The following UNC13C variants were observed in gnomAD, a reference collection of about 807,000 sequenced individuals.
The protein encoded by UNC13C is protein unc-13 homolog C.
In UNC13C, 174 loss-of-function variants were observed where a neutral mutation model predicts 245.4. The observed-to-expected ratio is 0.71, with a 90% confidence interval of 0.63 to 0.80. The LOEUF (loss-of-function observed/expected upper bound fraction) is 0.80, where lower values mean the gene tolerates loss of function less well. UNC13C is among the 30% of genes least tolerant of loss of function. UNC13C has a pLI of 0.00. For missense variants in UNC13C, 2,829 were observed against 2,602.9 expected (o/e 1.09, Z -1.89); for synonymous variants, 992 against 895.1 (o/e 1.11, Z -1.93).
the UNC13C span, among the ~76,000 whole-genome samples, chr15:53,936,232 C>T: frequency 1.3e-5 from 2 of 151,888 alleles, no homozygotes; most frequent in Non-Finnish European, 2.9e-5. Context: ...CAGTCCAGAA[C>T]AGCAGTCTTC....
chr15:53,865,453 T>A, the UNC13C span, among the ~76,000 whole-genome samples: 1 of 152,208 alleles, frequency 6.6e-6, no homozygotes, highest in Non-Finnish European at 1.5e-5. Context: ...ACCTTTTTTG[T>A]GTGCATGAGC....
rs1408289447 is a variant in UNC13C, at chr15:54,455,194, T to C, written c.4934-39414T>C. On this transcript the variant is annotated intron_variant, in intron 19 of 32. Coordinates refer to ENST00000260323, the MANE Select transcript of UNC13C (RefSeq NM_001080534.3). ...CTCTCTCTCTCTCTCTCTCTCTCTC[T>C]CTCTCTCTCTCTATATATATATATA... Among the ~76,000 whole-genome samples, 18 of 54,428 alleles carry C rather than the reference T, an allele frequency of 3.3e-4. 1 individual carries two copies. The highest frequency in any genetic ancestry group is 1.1e-3 in the African/African-American group (17 of 15,782). The allele number at this position is 54,428 out of a possible 152,430, so 35.7% of individuals were successfully genotyped here. A position where few individuals can be genotyped will look rare whatever the true frequency, so the allele number is the denominator to read the frequency against.
chr15:54,551,795 T>C lies in UNC13C; in HGVS notation c.5877+2104T>C, dbSNP rs184149242. ...ATTTTTAAATTATCAGTCCATTTAGTTATTACTATTTGAATTACAGAGCAA... is the reference window on the plus strand; with the variant it reads ...ATTTTTAAATTATCAGTCCATTTAGCTATTACTATTTGAATTACAGAGCAA... On this transcript the variant is annotated intron_variant, in intron 28 of 32. Coordinates refer to ENST00000260323, the MANE Select transcript of UNC13C (RefSeq NM_001080534.3). Among the ~76,000 whole-genome samples, 14 of 152,122 alleles carry C rather than the reference T, an allele frequency of 9.2e-5. No individual in the cohort carries two copies. The East Asian group carries it at 2.5e-3, about 27-fold the overall frequency.
chr15:54,518,574 C>T (rs1175124975), intron 24 of UNC13C, among the ~76,000 whole-genome samples: 1 of 152,140 alleles, frequency 6.6e-6, no homozygotes, highest in Non-Finnish European at 1.5e-5. Flanking sequence ...TTTAACAAAC[C>T]ATAAACCAAT....
intron 4 of UNC13C, among the ~76,000 whole-genome samples, chr15:54,218,640 C>G (rs562586443): frequency 6.6e-6 from 1 of 151,826 alleles, no homozygotes; most frequent in Non-Finnish European, 1.5e-5. Flanking sequence ...TGTTCTATAT[C>G]CTGTAAGCAA....
chr15:53,851,530 CTT>C, the UNC13C span, among the ~76,000 whole-genome samples: 6 of 152,142 alleles, frequency 3.9e-5, no homozygotes, highest in African/African-American at 1.4e-4. Flanking sequence ...CTCTCTCTCT[CTT>C]TCTCTCTCTG....
At chr15:54,378,322 T>C (rs1217819271) in intron 17 of UNC13C, among the ~76,000 whole-genome samples, 1 of 152,122 alleles carries the variant, frequency 6.6e-6, no homozygotes, top group Non-Finnish European at 1.5e-5. Flanking sequence ...AAAGAGGTGA[T>C]ATATGAAGCA....
rs59075201 is a variant in UNC13C at position 54,088,201 on chromosome 15, CTTTTTTTT to C, written c.2984-54798_2984-54791del. Among the ~76,000 whole-genome samples the C allele has an allele frequency of 3.2e-3, 335 of 103,914 alleles. 2 individuals are homozygous for C. Among genetic ancestry groups the C allele is most frequent in the African/African-American group, 6.3e-3 (173 of 27,462 alleles). The allele number at this position is 103,914 out of a possible 152,430, so 68.2% of individuals were successfully genotyped here. On this transcript the variant is annotated intron_variant, in intron 2 of 32. Coordinates refer to ENST00000260323, the MANE Select transcript of UNC13C (RefSeq NM_001080534.3). ...AGAAGCAGCCATGGGCTTCCTTTTC[CTTTTTTTT>C]TTTTTTTTTTTTTTTTTTACCCCCT... is the stretch of plus-strand genomic sequence containing the variant.
the UNC13C span, among the ~76,000 whole-genome samples, chr15:53,893,264 A>G: frequency 6.6e-6 from 1 of 152,144 alleles, no homozygotes; most frequent in Admixed American, 6.5e-5. Context: ...TGCCTGCCAG[A>G]GCTCTCCTGT....
the UNC13C span, among the ~76,000 whole-genome samples, chr15:53,878,583 A>T: frequency 3.9e-5 from 6 of 152,100 alleles, no homozygotes; most frequent in African/African-American, 1.2e-4. Flanking sequence ...TGCTGATGAG[A>T]TCATGTATCT....
intron 10 of UNC13C, among the ~76,000 whole-genome samples, chr15:54,286,296 A>C (rs2037147849): frequency 6.6e-6 from 1 of 152,220 alleles, no homozygotes; most frequent in Non-Finnish European, 1.5e-5. Context: ...TATTCTTAAC[A>C]AACGTGATTT....
chr15:54,509,759 A>AC (rs2141114236), intron 23 of UNC13C, among the ~76,000 whole-genome samples: 1 of 152,232 alleles, frequency 6.6e-6, no homozygotes, highest in South Asian at 2.1e-4. Flanking sequence ...CTGTTTCATG[A>AC]TTAAATTTAA....
intron 29 of UNC13C, among the ~76,000 whole-genome samples, chr15:54,561,174 C>T (rs1897283503): frequency 6.6e-6 from 1 of 151,950 alleles, no homozygotes; most frequent in East Asian, 1.9e-4. Context: ...GAGCACAGCC[C>T]TGGTTAGATT....
rs187634290 is a variant in UNC13C at position 54,058,641 on chromosome 15, G to T, written c.2983+42755G>T. On this transcript the variant is annotated intron_variant, in intron 2 of 32. Coordinates refer to ENST00000260323, the MANE Select transcript of UNC13C (RefSeq NM_001080534.3). Reference sequence around the variant, plus strand: ...CCAGCATCATTCTGATACCAAAGCCGGGCAGAGACACAACCAAAATAGAGA... The same window carrying T: ...CCAGCATCATTCTGATACCAAAGCCTGGCAGAGACACAACCAAAATAGAGA... Among the ~76,000 whole-genome samples, 294 of 152,126 alleles carry T rather than the reference G, an allele frequency of 1.9e-3. 4 individuals are homozygous for T. The highest frequency in any genetic ancestry group is 6.7e-3 in the African/African-American group (278 of 41,498).
chr15:54,238,396 C>G (rs1248090339), intron 7 of UNC13C, among the ~76,000 whole-genome samples: 3 of 152,018 alleles, frequency 2.0e-5, no homozygotes, highest in Non-Finnish European at 2.9e-5. Flanking sequence ...TATTCATAAC[C>G]TCCATAGGGT....
chr15:54,037,152 C>T (rs1896607920), intron 2 of UNC13C, among the ~76,000 whole-genome samples: 2 of 152,358 alleles, frequency 1.3e-5, no homozygotes, highest in Admixed American at 1.3e-4. Context: ...GAAATAGCTG[C>T]CTTGAGTTTA....
At chr15:54,179,692 A>G (rs1040564769) in intron 4 of UNC13C, among the ~76,000 whole-genome samples, 8 of 152,142 alleles carry the variant, frequency 5.3e-5, no homozygotes, top group African/African-American at 1.9e-4. Context: ...AGCAAAGACA[A>G]CAGGAAATCA....
At chr15:54,546,894 G>T in intron 27 of UNC13C, 49 bp downstream of exon 27, 3 of 1,500,062 alleles carry the variant, frequency 2.0e-6, no homozygotes, top group Non-Finnish European at 2.7e-6. Context: ...TCTGTTTTTG[G>T]TTTAAGTGAA....
intron 4 of UNC13C, among the ~76,000 whole-genome samples, chr15:54,216,806 G>A (rs2035054285): frequency 6.6e-6 from 1 of 151,910 alleles, no homozygotes; most frequent in African/African-American, 2.4e-5. Context: ...TCCGCTGAGG[G>A]TAATTTTATA....
Sources: gnomAD v4.1 joint callset for allele counts (sites outside exome capture counted in the v4.1 genomes callset) on GRCh38, gnomAD v4.1.1 for gene constraint, MANE v1.5 for transcripts, NCBI Gene and HGNC (gene_info 2026-07-23, HGNC 2026-07-21) for gene names.